The following PARD3B variants were observed in gnomAD, a reference collection of about 807,000 sequenced individuals.
PARD3B encodes partitioning defective 3 homolog B.
Under a neutral mutation model 130.2 loss-of-function variants are expected in PARD3B, and 103 were observed. The ratio of observed to expected loss-of-function variants is 0.79; its 90% confidence interval spans 0.67 to 0.93. The LOEUF (loss-of-function observed/expected upper bound fraction) is 0.93, where lower values mean the gene tolerates loss of function less well. PARD3B is among the 40% of genes least tolerant of loss of function. PARD3B has a pLI of 0.00. For synonymous variants in PARD3B, 583 were observed against 553.2 expected, an observed-to-expected ratio of 1.05 and a Z score of -0.76; for missense variants, 1,609 against 1,499.2, an observed-to-expected ratio of 1.07 and a Z score of -1.21.
Position 204,682,796 on chromosome 2 carries a change from A to G in PARD3B, c.121-3385A>G, listed in dbSNP as rs1278256390. On this transcript the variant is annotated intron_variant, in intron 1 of 22. Transcript: ENST00000406610. ...GTGTTTATTGGCATAATCCCAGTTC[A>G]TGGTAGTCACAGCATTATAGTATGT... 2.0e-5 allele frequency among the ~76,000 whole-genome samples: 3 copies of G among 152,250 alleles called. No individual in the cohort carries two copies. In the East Asian group the frequency reaches 5.8e-4, roughly 29 times the overall value.
intron 15 of PARD3B, among the ~76,000 whole-genome samples, chr2:205,240,227 T>G (rs1259473709): frequency 1.3e-5 from 2 of 152,298 alleles, no homozygotes; most frequent in East Asian, 3.9e-4. Context: ...GAAAATTGAT[T>G]TTTAATATTG....
At chr2:204,686,004 A>G (rs1251115334) in intron 1 of PARD3B, among the ~76,000 whole-genome samples, 177 bp from the exon 2 acceptor site, 1 of 152,236 alleles carries the variant, frequency 6.6e-6, no homozygotes, top group Admixed American at 6.5e-5. Context: ...TAAGTTAAAC[A>G]GGATAAAAAT....
At chr2:204,867,092 A>G (rs114367565) in intron 2 of PARD3B, among the ~76,000 whole-genome samples, 1 of 152,268 alleles carries the variant, frequency 6.6e-6, no homozygotes, top group African/African-American at 2.4e-5. Context: ...AATAAATAAA[A>G]TAAAATAAAA....
chr2:204,653,785 CAAAA>C (rs35190366), intron 1 of PARD3B, among the ~76,000 whole-genome samples: 3 of 71,512 alleles, frequency 4.2e-5, no homozygotes, highest in Non-Finnish European at 6.2e-5. Context: ...GACTCTGTCT[CAAAA>C]AAAAAAAAAA....
chr2:204,873,367 C>G (rs1374833073), intron 2 of PARD3B, among the ~76,000 whole-genome samples: 1 of 152,182 alleles, frequency 6.6e-6, no homozygotes, highest in Non-Finnish European at 1.5e-5. Flanking sequence ...ATAGCTGAGT[C>G]CAAGCCCCAG....
intron 3 of PARD3B, among the ~76,000 whole-genome samples, chr2:204,997,962 G>A (rs1290041288): frequency 2.0e-5 from 3 of 147,616 alleles, no homozygotes; most frequent in East Asian, 2.0e-4. Context: ...GAGTGTATGT[G>A]TATATATATA....
intron 1 of PARD3B, among the ~76,000 whole-genome samples, chr2:204,551,198 T>C (rs1405158803): frequency 1.3e-5 from 2 of 152,220 alleles, no homozygotes; most frequent in African/African-American, 4.8e-5. Context: ...CTCAGTGTTA[T>C]ATTTTGACTT....
intron 16 of PARD3B, among the ~76,000 whole-genome samples, chr2:205,289,423 G>C (rs1458852884): frequency 6.6e-6 from 1 of 152,132 alleles, no homozygotes; most frequent in Non-Finnish European, 1.5e-5. Flanking sequence ...CAGGTATCAT[G>C]TTCAAAGTTC....
intron 18 of PARD3B, among the ~76,000 whole-genome samples, chr2:205,340,452 T>C (rs577682072): frequency 6.6e-6 from 1 of 152,136 alleles, no homozygotes; most frequent in Non-Finnish European, 1.5e-5. Context: ...AGTTCATATA[T>C]TTACAGCCAA....
At chr2:204,885,315 T>G (rs1047509232) in intron 2 of PARD3B, among the ~76,000 whole-genome samples, 2 of 152,234 alleles carry the variant, frequency 1.3e-5, no homozygotes, top group Admixed American at 6.5e-5. Context: ...GCCCACTTTT[T>G]AATGGGGTTG....
At chr2:205,324,074 A>G (rs1441447110) in intron 18 of PARD3B, among the ~76,000 whole-genome samples, 1 of 152,092 alleles carries the variant, frequency 6.6e-6, no homozygotes, top group African/African-American at 2.4e-5. Context: ...ATACCCCAAG[A>G]CTGTATTACA....
At chr2:204,807,788 C>A (rs1559161042) in intron 2 of PARD3B, among the ~76,000 whole-genome samples, 1 of 151,680 alleles carries the variant, frequency 6.6e-6, no homozygotes, top group Admixed American at 6.6e-5. Context: ...AAAATTAAAA[C>A]AATTTAACTT....
rs1457399846 is a variant in PARD3B, at chr2:205,230,766, C to A, written c.2141-15012C>A. Among the ~76,000 whole-genome samples, 3 of 152,152 alleles carry A rather than the reference C, an allele frequency of 2.0e-5. No individual in the cohort carries two copies. The highest frequency in any genetic ancestry group is 6.5e-5 in the Admixed American group (1 of 15,278). On this transcript the variant is annotated intron_variant, in intron 15 of 22. Coordinates refer to ENST00000406610, the MANE Select transcript of PARD3B (RefSeq NM_001302769.2). This position sits in a 1 kb window ranked among gnomAD's most constrained non-coding sequence, Gnocchi z 4.1. ...CAAGTCTGTTTAGGACCCCAGAGCG[C>A]TTTAGCCTGCAGTGCCAAGGCTTGG...
At chr2:205,608,608 A>T (rs1442772791) in intron 22 of PARD3B, among the ~76,000 whole-genome samples, 3 of 152,136 alleles carry the variant, frequency 2.0e-5, no homozygotes, top group Non-Finnish European at 2.9e-5. Flanking sequence ...CACCCACTTT[A>T]AAAACCTCTC....
chr2:204,995,379 T>G (rs1297900194), intron 3 of PARD3B, among the ~76,000 whole-genome samples: 1 of 147,190 alleles, frequency 6.8e-6, no homozygotes, highest in Non-Finnish European at 1.5e-5. Flanking sequence ...GGTTGAAAAT[T>G]CTTTTCTTTA....
chr2:205,033,578 C>A (rs1378148629), intron 3 of PARD3B, among the ~76,000 whole-genome samples: 1 of 152,126 alleles, frequency 6.6e-6, no homozygotes, highest in Non-Finnish European at 1.5e-5. Context: ...AATATTCATG[C>A]AAGGGTGTCC....
chr2:205,185,077 C>T (rs538806429), intron 13 of PARD3B, among the ~76,000 whole-genome samples: 1 of 152,276 alleles, frequency 6.6e-6, no homozygotes, highest in East Asian at 1.9e-4. Context: ...AACAACCTTA[C>T]TTGTTAGTTG....
At position 205,474,698 on chromosome 2, in the gene PARD3B, T is replaced by G. The variant is rs186906052; in HGVS notation, c.3045-25198T>G. ...GAATGGAAATGATGAATCAAAGGCTTGAAACATATTGCCAACAATTTTCTT... is the reference window on the plus strand; with the variant it reads ...GAATGGAAATGATGAATCAAAGGCTGGAAACATATTGCCAACAATTTTCTT... On this transcript the variant is annotated intron_variant, in intron 20 of 22. Transcript: ENST00000406610. 1.7e-3 allele frequency among the ~76,000 whole-genome samples: 253 copies of G among 152,308 alleles called. 1 individual carries two copies. The highest frequency in any genetic ancestry group is 5.5e-3 in the African/African-American group (229 of 41,588).
At chr2:205,069,408 AG>A (rs1442241016) in intron 4 of PARD3B, among the ~76,000 whole-genome samples, 1 of 152,096 alleles carries the variant, frequency 6.6e-6, no homozygotes, top group African/African-American at 2.4e-5. Context: ...GTATTTAAAT[AG>A]ATTAGTCTAA....
Sources: gnomAD v4.1 joint callset for allele counts (sites outside exome capture counted in the v4.1 genomes callset) on GRCh38, gnomAD v4.1.1 for gene constraint, Gnocchi (gnomAD v3.1) non-coding constraint, MANE v1.5 for transcripts, NCBI Gene and HGNC (gene_info 2026-07-23, HGNC 2026-07-21) for gene names.